The following PCNX1 variants were observed in gnomAD, a reference collection of about 807,000 sequenced individuals.
PCNX1 encodes the protein pecanex 1.
A neutral mutation model predicts 242.2 loss-of-function variants in PCNX1; 78 were observed. That is an observed-to-expected ratio of 0.32 (90% confidence interval 0.27 to 0.39). The LOEUF (loss-of-function observed/expected upper bound fraction) is 0.39, where lower values mean the gene tolerates loss of function less well. PCNX1 is among the 10% of genes least tolerant of loss of function. PCNX1 has a pLI of 1.00. For missense variants in PCNX1, 2,581 were observed against 2,856.5 expected, an observed-to-expected ratio of 0.90 and a Z score of 2.20; for synonymous variants, 1,024 against 1,032.9, an observed-to-expected ratio of 0.99 and a Z score of 0.17.
chr14:70,982,463 G>A (rs1045395981), intron 6 of PCNX1, among the ~76,000 whole-genome samples: 7 of 152,178 alleles, frequency 4.6e-5, no homozygotes, highest in African/African-American at 1.7e-4. Flanking sequence ...CATTTTAATA[G>A]TGTTCAAAGA....
At chr14:71,049,865 A>C (rs1424014058) in intron 22 of PCNX1, among the ~76,000 whole-genome samples, 2 of 152,212 alleles carry the variant, frequency 1.3e-5, no homozygotes, top group Non-Finnish European at 2.9e-5. Flanking sequence ...CAAGTACAGC[A>C]ACTCTGTTTC....
chr14:70,951,658 A>T (rs1270248813), intron 2 of PCNX1, among the ~76,000 whole-genome samples: 1 of 152,138 alleles, frequency 6.6e-6, no homozygotes, highest in Non-Finnish European at 1.5e-5. Flanking sequence ...TACAGGTATG[A>T]GCCACCACAC....
chr14:70,987,868 A>G (rs778434035), intron 6 of PCNX1, among the ~76,000 whole-genome samples: 15 of 152,206 alleles, frequency 9.9e-5, no homozygotes, highest in Non-Finnish European at 1.9e-4. Flanking sequence ...AGATTAAGCT[A>G]TGAGTTCCTG....
intron 12 of PCNX1, among the ~76,000 whole-genome samples, chr14:71,019,511 C>A (rs1055056646): frequency 6.6e-6 from 1 of 152,186 alleles, no homozygotes; most frequent in African/African-American, 2.4e-5. Flanking sequence ...AAGTGATTCT[C>A]CTGCCTCAGC....
At chr14:70,980,051 C>T (rs1444561325) in intron 6 of PCNX1, among the ~76,000 whole-genome samples, 1 of 149,562 alleles carries the variant, frequency 6.7e-6, no homozygotes, top group Non-Finnish European at 1.5e-5. Flanking sequence ...ATGCAAGAAA[C>T]CATTGGATTT....
In PCNX1 at chr14:70,925,556, CACTT is replaced by C. The variant is rs937750805; in HGVS notation, c.153+17556_153+17559del. ...CTGTATTCTGAGGGCTCACAAATCT[CACTT>C]ACCTCATCTTTTTTTTTTTTTTTTT... On this transcript the variant is annotated intron_variant, in intron 1 of 35. Transcript: ENST00000304743. Among the ~76,000 whole-genome samples, 20 of 148,036 alleles carry C rather than the reference CACTT, an allele frequency of 1.4e-4. No individual in the cohort carries two copies. In the East Asian group the frequency reaches 1.8e-3, roughly 13 times the overall value.
chr14:71,068,436 GTATGTA>G (rs1016906240), intron 26 of PCNX1, among the ~76,000 whole-genome samples: 10 of 148,536 alleles, frequency 6.7e-5, no homozygotes, highest in East Asian at 1.9e-4. Context: ...ATGTATATAT[GTATGTA>G]TATGTATATA....
intron 32 of PCNX1, 54 bp from the exon 33 acceptor site, chr14:71,105,181 C>T (rs757665904): frequency 6.9e-6 from 9 of 1,310,610 alleles, no homozygotes; most frequent in Non-Finnish European, 8.8e-6. Context: ...GAATAAAATA[C>T]CCATTTTGAA....
At chr14:70,998,769 A>G (rs201634620) in intron 8 of PCNX1, among the ~76,000 whole-genome samples, 12,940 of 150,280 alleles carry the variant, frequency 0.086, 675 homozygotes, top group Admixed American at 0.16. Context: ...AAAAAAAAAA[A>G]AAAGAAAAAC....
At chr14:70,953,608 A>G (rs2057873740) in intron 2 of PCNX1, among the ~76,000 whole-genome samples, 3 of 149,480 alleles carry the variant, frequency 2.0e-5, no homozygotes, top group South Asian at 2.1e-4. Context: ...ATTTAGAACA[A>G]TGAAATTTAC....
chr14:71,106,516 G>GA (rs2062626536), intron 33 of PCNX1, among the ~76,000 whole-genome samples: 1 of 149,994 alleles, frequency 6.7e-6, no homozygotes, highest in South Asian at 2.1e-4. Context: ...TAAGACTCTT[G>GA]ATATATAATG....
At chr14:71,085,140 A>C (rs1595469517) in intron 28 of PCNX1, among the ~76,000 whole-genome samples, 1 of 152,122 alleles carries the variant, frequency 6.6e-6, no homozygotes, top group African/African-American at 2.4e-5. Context: ...GCAACGCCCC[A>C]CCCTGCTTCG....
intron 26 of PCNX1, among the ~76,000 whole-genome samples, chr14:71,058,525 CAG>C (rs537786048): frequency 2.8e-3 from 423 of 152,276 alleles, no homozygotes; most frequent in Non-Finnish European, 4.2e-3. Context: ...CTTGAGTTTT[CAG>C]AGAGTTTTTC....
intron 26 of PCNX1, among the ~76,000 whole-genome samples, chr14:71,063,595 G>A (rs935632330): frequency 6.6e-6 from 1 of 151,816 alleles, no homozygotes; most frequent in African/African-American, 2.4e-5. Context: ...TTTCTTTATA[G>A]TGTGATCCCC....
intron 5 of PCNX1, among the ~76,000 whole-genome samples, chr14:70,976,434 A>G (rs58938327): frequency 0.56 from 82,895 of 147,014 alleles, 24,477 homozygotes; most frequent in East Asian, 0.74. Flanking sequence ...GTGCAGTGGT[A>G]CGATCTCGGC....
chr14:70,967,827 G>C (rs2058426228), intron 3 of PCNX1, among the ~76,000 whole-genome samples: 1 of 152,100 alleles, frequency 6.6e-6, no homozygotes, highest in South Asian at 2.1e-4. Context: ...ATTTATTTCA[G>C]GTAGACATAA....
intron 25 of PCNX1, among the ~76,000 whole-genome samples, chr14:71,055,931 T>C (rs936757842): frequency 1.3e-4 from 20 of 152,166 alleles, no homozygotes; most frequent in Admixed American, 6.5e-5. Context: ...CTTCCCTCAA[T>C]GTTTTGGTCA....
chr14:70,932,275 T>C (rs1018851663), intron 1 of PCNX1, among the ~76,000 whole-genome samples: 3 of 152,218 alleles, frequency 2.0e-5, no homozygotes, highest in Admixed American at 2.0e-4. Flanking sequence ...GGAGAGACAA[T>C]TGTATTTATT....
At chr14:71,036,522 G>C (rs1164102152) in intron 19 of PCNX1, among the ~76,000 whole-genome samples, 2 of 152,054 alleles carry the variant, frequency 1.3e-5, no homozygotes, top group Non-Finnish European at 2.9e-5. Flanking sequence ...TGTTACAGTT[G>C]CCTACAGTAT....
Sources: gnomAD v4.1 joint callset for allele counts (sites outside exome capture counted in the v4.1 genomes callset) on GRCh38, gnomAD v4.1.1 for gene constraint, MANE v1.5 for transcripts, NCBI Gene and HGNC (gene_info 2026-07-23, HGNC 2026-07-21) for gene names.